Variants in NTRK3 observed in about 807,000 individuals in gnomAD.
NTRK3 encodes the protein NT-3 growth factor receptor.
Under a neutral mutation model 91.7 loss-of-function variants are expected in NTRK3, and 24 were observed. The ratio of observed to expected loss-of-function variants is 0.26; its 90% CI spans 0.19 to 0.37. The LOEUF (loss-of-function observed/expected upper bound fraction) is 0.37. NTRK3 is among the 10% of genes least tolerant of loss of function. The pLI is 1.00. For synonymous variants in NTRK3, 483 were observed against 404.0 expected, an observed-to-expected ratio of 1.20 and a Z score of -2.34; for missense variants, 880 against 1,068.9, an observed-to-expected ratio of 0.82 and a Z score of 2.46.
At chr15:87,880,576 G>T in intron 17 of NTRK3, 148 bp from the exon 19 acceptor site, 1 of 965,972 alleles carries the variant, frequency 1.0e-6, no homozygotes, top group East Asian at 2.6e-5. Flanking sequence ...AGAGGTGTGT[G>T]AAGATGCTGA....
At chr15:88,037,237 A>C (rs1407392613) in intron 13 of NTRK3, among the ~76,000 whole-genome samples, 1 of 152,180 alleles carries the variant, frequency 6.6e-6, no homozygotes, top group Non-Finnish European at 1.5e-5. Flanking sequence ...AGAGATGTGA[A>C]AGGAAACCAG....
chr15:88,102,664 G>T (rs2050295747), intron 13 of NTRK3, among the ~76,000 whole-genome samples: 1 of 151,964 alleles, frequency 6.6e-6, no homozygotes, highest in African/African-American at 2.4e-5. Flanking sequence ...ATTAAAAAAA[G>T]ACACAGGGAA....
At chr15:87,939,270 A>C (rs1018985689) in intron 15 of NTRK3, among the ~76,000 whole-genome samples, 3 of 152,202 alleles carry the variant, frequency 2.0e-5, no homozygotes, top group Non-Finnish European at 4.4e-5. Flanking sequence ...TTGAGTCTTT[A>C]CTCAATAAAA....
intron 6 of NTRK3, among the ~76,000 whole-genome samples, chr15:88,139,620 G>C (rs1289467523): frequency 6.6e-6 from 1 of 152,076 alleles, no homozygotes; most frequent in Non-Finnish European, 1.5e-5. Context: ...AAAGGTGAAG[G>C]GAAAGAACTA....
intron 10 of NTRK3, 35 bp from the exon 11 acceptor site, chr15:88,128,769 T>C (rs779687195): frequency 3.1e-5 from 49 of 1,603,136 alleles, no homozygotes; most frequent in Non-Finnish European, 4.1e-5. Context: ...ATTAACAAAT[T>C]TAATAAAAAC....
chr15:87,996,002 G>GGAA (rs2141558616), intron 14 of NTRK3, among the ~76,000 whole-genome samples: 1 of 152,270 alleles, frequency 6.6e-6, no homozygotes, highest in South Asian at 2.1e-4. Context: ...CCAGCACTTT[G>GGAA]GAAGGCTGAG....
At position 87,912,934 on chromosome 15, in the gene NTRK3, ATATATATAT is replaced by A. The variant is rs1567099628; in HGVS notation, c.2133+16248_2133+16256del. ...AACTTTTCAAAAAGTAAAAAAAAAT[ATATATATAT>A]ATATATATATATATATATATATATA... On this transcript the variant is annotated intron_variant, in intron 17 of 18. Coordinates refer to ENST00000394480, the Ensembl canonical transcript of NTRK3. Among the ~76,000 whole-genome samples, 124 of 21,728 alleles carry A rather than the reference ATATATATAT, an allele frequency of 5.7e-3. 1 individual carries two copies. Among genetic ancestry groups the A allele is most frequent in the Non-Finnish European group, 8.1e-3 (110 of 13,506 alleles). 14.3% of individuals were successfully genotyped at this position (21,728 alleles called of 152,430 possible).
At position 88,122,748 on chromosome 15, in the gene NTRK3, C is replaced by T. The variant is rs1410890866; in HGVS notation, c.1396+3523G>A. ...GGATGGGGAATTGTTTATGAGTTTT[C>T]CCTATCATCATCTCTCTACTTCCCA... On this transcript the variant is annotated intron_variant, in intron 13 of 18. Coordinates refer to ENST00000394480, the Ensembl canonical transcript of NTRK3. Among the ~76,000 whole-genome samples, 5 of 152,086 alleles carry T rather than the reference C, an allele frequency of 3.3e-5. No individual in the cohort carries two copies. The East Asian group carries it at 9.6e-4, about 29-fold the overall frequency.
At chr15:88,113,598 G>A (rs1398611995) in intron 13 of NTRK3, among the ~76,000 whole-genome samples, 3 of 152,158 alleles carry the variant, frequency 2.0e-5, no homozygotes, top group South Asian at 2.1e-4. Flanking sequence ...TTATAGGCAT[G>A]AGCCACCACA....
chr15:87,970,508 T>C (rs1177611941), intron 14 of NTRK3, among the ~76,000 whole-genome samples: 3 of 152,226 alleles, frequency 2.0e-5, no homozygotes. Context: ...GATCACACTA[T>C]AACCCAGTGT....
chr15:87,895,630 C>A (rs8035941), intron 17 of NTRK3, among the ~76,000 whole-genome samples: 3 of 151,672 alleles, frequency 2.0e-5, no homozygotes, highest in Admixed American at 6.6e-5. Flanking sequence ...GTTTTCCTTC[C>A]TCTCTTTCCA....
At chr15:87,890,497 C>T (rs897639822) in intron 17 of NTRK3, among the ~76,000 whole-genome samples, 1 of 151,558 alleles carries the variant, frequency 6.6e-6, no homozygotes, top group African/African-American at 2.4e-5. Flanking sequence ...TGAATTCATC[C>T]CATAGCATCC....
At chr15:87,913,224 T>G (rs2067222750) in intron 17 of NTRK3, among the ~76,000 whole-genome samples, 1 of 151,896 alleles carries the variant, frequency 6.6e-6, no homozygotes, top group Non-Finnish European at 1.5e-5. Context: ...TAGTCTCATT[T>G]ATGTGATGGG....
intron 14 of NTRK3, among the ~76,000 whole-genome samples, chr15:88,031,640 G>A (rs1269737897): frequency 1.3e-5 from 2 of 152,152 alleles, no homozygotes; most frequent in East Asian, 3.9e-4. Flanking sequence ...CCCAAGGTTA[G>A]GAGGCAAACG....
At chr15:88,218,179 T>C (rs775306189) in intron 3 of NTRK3, among the ~76,000 whole-genome samples, 59 of 152,186 alleles carry the variant, frequency 3.9e-4, no homozygotes, top group Non-Finnish European at 6.5e-4. Context: ...AGTCACAGAT[T>C]CTCTCGTCTG....
intron 14 of NTRK3, among the ~76,000 whole-genome samples, chr15:87,960,417 C>T (rs575598249): frequency 1.3e-5 from 2 of 152,214 alleles, no homozygotes; most frequent in Non-Finnish European, 2.9e-5. Flanking sequence ...CCATCTAGCA[C>T]CCGTCTCTCT....
At chr15:87,880,972 C>T (rs569659975) in intron 17 of NTRK3, among the ~76,000 whole-genome samples, 3 of 152,302 alleles carry the variant, frequency 2.0e-5, no homozygotes, top group South Asian at 2.1e-4. Context: ...TGGAAGACCA[C>T]GTGCTAATAA....
rs147977168 is a variant in NTRK3 at position 87,976,490 on chromosome 15, G to A, written c.1586-35737C>T. Among the ~76,000 whole-genome samples, 644 of 152,220 alleles carry A rather than the reference G, an allele frequency of 4.2e-3. 6 individuals are homozygous for A. The highest frequency in any genetic ancestry group is 0.015 in the African/African-American group (614 of 41,516). ...TTACTGGGGCCCAGTGAAGCATTCA[G>A]ATCCACCCAGGAGCCTTTTCCCGGC... On this transcript the variant is annotated intron_variant, in intron 14 of 18. Coordinates refer to ENST00000394480, the Ensembl canonical transcript of NTRK3.
At chr15:87,982,815 T>C (rs541139990) in intron 14 of NTRK3, among the ~76,000 whole-genome samples, 1 of 152,370 alleles carries the variant, frequency 6.6e-6, no homozygotes, top group South Asian at 2.1e-4. Flanking sequence ...TCTGTTTTTC[T>C]GAGATTCTTG....
Sources: gnomAD v4.1 joint callset for allele counts (sites outside exome capture counted in the v4.1 genomes callset) on GRCh38, gnomAD v4.1.1 for gene constraint, MANE v1.5 for transcripts, NCBI Gene and HGNC (gene_info 2026-07-23, HGNC 2026-07-21) for gene names.